CFI: variants seen among roughly 807,000 people sequenced by gnomAD.
The protein encoded by CFI is complement factor I.
CFI carries 66 observed loss-of-function variants against 78.8 expected under a neutral mutation model. The ratio of observed to expected loss-of-function variants is 0.84; its 90% CI spans 0.69 to 1.03. The LOEUF is 1.03. CFI is among the 50% of genes least tolerant of loss of function. The pLI is 0.00. For synonymous variants in CFI, 250 were observed against 232.6 expected (o/e 1.07, Z -0.68); for missense variants, 706 against 704.5 (o/e 1.00, Z -0.02).
intron 1 of CFI, among the ~76,000 whole-genome samples, chr4:109,788,168 C>T (rs924649649): frequency 6.6e-6 from 1 of 152,084 alleles, no homozygotes; most frequent in Non-Finnish European, 1.5e-5. Context: ...ATAAATAATG[C>T]TATGATGAAT....
intron 12 of CFI, chr4:109,741,787 A>G (rs1025764181): frequency 6.4e-6 from 1 of 155,118 alleles, no homozygotes; most frequent in African/African-American, 2.4e-5. Context: ...TAGGATGTCA[A>G]TAACTGCCTT....
Position 109,775,213 on chromosome 4 carries a change from G to A in CFI, c.58-8389C>T, listed in dbSNP as rs182503465. 6.5e-3 allele frequency among the ~76,000 whole-genome samples: 988 copies of A among 152,250 alleles called. 11 individuals carry two copies. Among genetic ancestry groups the A allele is most frequent in the African/African-American group, 0.022 (913 of 41,538 alleles). ...AGCAGGGTGGGGCATCGCCTCACCC[G>A]GGAAGTGCAAGGGGTCAGGGAATTC... On this transcript the variant is annotated intron_variant, in intron 1 of 12. Coordinates refer to ENST00000394634, the MANE Select transcript of CFI (RefSeq NM_000204.5).
In CFI at chr4:109,795,423, C is replaced by T. The variant is rs1029979557; in HGVS notation, c.57+6492G>A. On this transcript the variant is annotated intron_variant, in intron 1 of 12. Coordinates refer to ENST00000394634, the MANE Select transcript of CFI (RefSeq NM_000204.5). ...AGACTGAAAGAGGTGGCTGCTTCTT[C>T]AAACATCCAGACATTAATACAGGTT... 3.9e-5 allele frequency among the ~76,000 whole-genome samples: 6 copies of T among 152,164 alleles called. No homozygotes were observed. In the South Asian group the frequency reaches 1.2e-3, roughly 32 times the overall value.
chr4:109,758,216 G>A lies in CFI; in HGVS notation c.884-433C>T, dbSNP rs548801910. Among the ~76,000 whole-genome samples the A allele has an allele frequency of 4.0e-5, 6 of 150,174 alleles. No homozygotes were observed. In the South Asian group the frequency reaches 6.8e-4, roughly 17 times the overall value. ...CTCATGCCTGTAATCCCAGCAACACGCCTTCTAAAGTGTTGGGATTACAGG... is the reference window on the plus strand; with the variant it reads ...CTCATGCCTGTAATCCCAGCAACACACCTTCTAAAGTGTTGGGATTACAGG... On this transcript the variant is annotated intron_variant, in intron 6 of 12. Coordinates refer to ENST00000394634, the MANE Select transcript of CFI (RefSeq NM_000204.5).
At chr4:109,794,896 A>G (rs28879996) in intron 1 of CFI, among the ~76,000 whole-genome samples, 1 of 151,934 alleles carries the variant, frequency 6.6e-6, no homozygotes, top group Non-Finnish European at 1.5e-5. Flanking sequence ...AGCGTGTGAC[A>G]TTGGCAAGAT....
intron 7 of CFI, among the ~76,000 whole-genome samples, chr4:109,754,429 ATC>A (rs1314198438): frequency 1.5e-5 from 2 of 129,522 alleles, no homozygotes; most frequent in East Asian, 2.2e-4. Flanking sequence ...AAAAAAAAGA[ATC>A]TTCTTTTTTT....
At chr4:109,753,063 TA>T (rs372171480) in intron 7 of CFI, among the ~76,000 whole-genome samples, 8,556 of 22,042 alleles carry the variant, frequency 0.39, 2,031 homozygotes, top group South Asian at 0.55. Flanking sequence ...TATTTATATA[TA>T]AATAAATATT....
chr4:109,771,808 C>T (rs1728639006), intron 1 of CFI, among the ~76,000 whole-genome samples: 1 of 148,746 alleles, frequency 6.7e-6, no homozygotes, highest in Non-Finnish European at 1.5e-5. Flanking sequence ...GCATAAAGGG[C>T]CACGGAGTAA....
At position 109,761,615 on chromosome 4, in the gene CFI, C is replaced by T. The variant is rs143366614; in HGVS notation, c.560G>A (p.Arg187Gln). The T allele has an allele frequency of 9.0e-5, 145 of 1,613,654 alleles. No homozygotes were observed. The highest frequency in any genetic ancestry group is 1.7e-4 in the Admixed American group (10 of 59,998). Residue 187 changes from arginine (R) to glutamine (Q), a missense_variant, in exon 4 of 13, where the codon CGA becomes CAA. By Grantham distance (43) the Arg-to-Gln change is conservative (BLOSUM62 1). Transcript: ENST00000394634. ...TTCAGCCAAACTGGTCTCTAATCCT[C>T]GGCAATGCACATGTAGACATTCAGT... ...NSTECLHVHC[R>Q]GLETSLAECT...
At chr4:109,801,417 C>A (rs1215774585) in intron 1 of CFI, among the ~76,000 whole-genome samples, 1 of 152,218 alleles carries the variant, frequency 6.6e-6, no homozygotes, top group Non-Finnish European at 1.5e-5. Flanking sequence ...TTTGTCCTCT[C>A]ATTGAAGTCC....
chr4:109,768,987 C>CGA lies in CFI; in HGVS notation c.58-2164_58-2163insTC, dbSNP rs757932278. On this transcript the variant is annotated intron_variant, in intron 1 of 12. Coordinates refer to ENST00000394634, the MANE Select transcript of CFI (RefSeq NM_000204.5). ...TGAAATATGCCAGTTACGCACTTTT[C>CGA]ATGGTTCCACGTATCTCTTTTTGGC... is the stretch of plus-strand genomic sequence containing the variant. Among the ~76,000 whole-genome samples, 837 of 152,218 alleles carry CGA rather than the reference C, an allele frequency of 5.5e-3. 4 individuals carry two copies. Among genetic ancestry groups the CGA allele is most frequent in the Non-Finnish European group, 9.0e-3 (615 of 68,010 alleles).
chr4:109,745,255 T>C (rs1381879905), intron 11 of CFI, among the ~76,000 whole-genome samples: 1 of 152,196 alleles, frequency 6.6e-6, no homozygotes, highest in African/African-American at 2.4e-5. Flanking sequence ...CAATCATGGC[T>C]CACTGCAACC....
intron 4 of CFI, among the ~76,000 whole-genome samples, chr4:109,760,998 A>G (rs774067256): frequency 6.3e-4 from 96 of 152,096 alleles, no homozygotes; most frequent in Non-Finnish European, 1.2e-3. Context: ...GGTTAGTGCC[A>G]TTTGTTTACA....
intron 1 of CFI, chr4:109,794,191 A>C (rs1731749224): frequency 6.6e-6 from 1 of 152,068 alleles, no homozygotes; most frequent in Non-Finnish European, 1.5e-5. Context: ...CAAATGTGGA[A>C]ATTTTTCAGC....
chr4:109,797,813 G>GT (rs1172185906), intron 1 of CFI, among the ~76,000 whole-genome samples: 4 of 152,166 alleles, frequency 2.6e-5, no homozygotes, highest in Admixed American at 2.6e-4. Context: ...ACTTGAAAAG[G>GT]TGTTTAATAT....
intron 1 of CFI, among the ~76,000 whole-genome samples, chr4:109,769,796 C>G (rs1284518713): frequency 2.0e-5 from 3 of 152,214 alleles, no homozygotes; most frequent in Admixed American, 2.0e-4. Flanking sequence ...GGACCCACAC[C>G]TGTCTGTTGC....
At chr4:109,777,895 C>A (rs1337280349) in intron 1 of CFI, among the ~76,000 whole-genome samples, 1 of 151,918 alleles carries the variant, frequency 6.6e-6, no homozygotes, top group Non-Finnish European at 1.5e-5. Flanking sequence ...GGGTACATAA[C>A]GAAATGAAGG....
At chr4:109,742,379 C>T in intron 12 of CFI, 112 bp downstream of exon 12, 1 of 751,894 alleles carries the variant, frequency 1.3e-6, no homozygotes, top group Non-Finnish European at 2.4e-6. Context: ...AGCCAGAAGG[C>T]CAAATGGAGG....
At chr4:109,732,794 T>C in the CFI span, among the ~76,000 whole-genome samples, 5 of 150,602 alleles carry the variant, frequency 3.3e-5, no homozygotes, top group Non-Finnish European at 7.4e-5. Flanking sequence ...GAGGCAGAGC[T>C]TGCAATGAGC....
Sources: gnomAD v4.1 joint callset for allele counts (sites outside exome capture counted in the v4.1 genomes callset) on GRCh38, gnomAD v4.1.1 for gene constraint, MANE v1.5 for transcripts, NCBI Gene and HGNC (gene_info 2026-07-23, HGNC 2026-07-21) for gene names.